The following SF1 variants were observed in gnomAD, a reference collection of about 807,000 sequenced individuals.
SF1 encodes branch point-binding protein.
In SF1, 7 loss-of-function variants were observed where a neutral mutation model predicts 62.5. The ratio of observed to expected loss-of-function variants is 0.11; its 90% CI spans 0.06 to 0.21. The LOEUF is 0.21. Among genes scored for constraint, SF1 ranks in the 10% least tolerant of loss-of-function variants. The pLI is 1.00. For missense variants in SF1, 578 were observed against 884.0 expected (o/e 0.65, Z 4.39); for synonymous variants, 394 against 323.6 (o/e 1.22, Z -2.33).
chr11:64,769,926 A>G lies in SF1; in HGVS notation c.479+38T>C, dbSNP rs772777451. 7 of 1,492,006 alleles carry G rather than the reference A, an allele frequency of 4.7e-6. No homozygotes were observed. In the Admixed American group the frequency reaches 6.8e-5, roughly 14 times the overall value. The allele number at this position is 1,492,006 out of a possible 1,614,324, so 92.4% of individuals were successfully genotyped here. A position where few individuals can be genotyped will look rare whatever the true frequency, so the allele number is the denominator to read the frequency against. ...AAAACGGACACATCTCACAGGCTCT[A>G]AAGGAATTCTATATCCTATAGACCA... On this transcript the variant is annotated intron_variant, in intron 5 of 12. Coordinates refer to ENST00000377390, the MANE Select transcript of SF1 (RefSeq NM_004630.4).
At chr11:64,768,033 C>T (rs570295871) in intron 9 of SF1, 73 bp downstream of exon 9, 43 of 1,518,554 alleles carry the variant, frequency 2.8e-5, no homozygotes, top group South Asian at 5.0e-5. Flanking sequence ...ACCCAAACCA[C>T]GTGGCCATAG....
chr11:64,771,387 G>A, intron 3 of SF1: 1 of 850,484 alleles, frequency 1.2e-6, no homozygotes, highest in Non-Finnish European at 1.4e-6. Context: ...AAATTTAGTA[G>A]CAGCTGCAAG....
intron 1 of SF1, chr11:64,777,611 G>A (rs1204033595): frequency 2.0e-6 from 2 of 985,510 alleles, no homozygotes; most frequent in Non-Finnish European, 2.4e-6. Context: ...CATCAGGTGA[G>A]GCTTTCACGC....
At chr11:64,776,945 C>T (rs1939366894) in intron 1 of SF1, among the ~76,000 whole-genome samples, 1 of 152,164 alleles carries the variant, frequency 6.6e-6, no homozygotes, top group Admixed American at 6.5e-5. Flanking sequence ...CTACATCAAC[C>T]ATGAGTGCTC....
intron 1 of SF1, 150 bp downstream of exon 1, chr11:64,778,212 C>A: frequency 2.7e-6 from 3 of 1,127,834 alleles, no homozygotes; most frequent in Non-Finnish European, 3.3e-6. Context: ...GGGAAGGCCG[C>A]GGTCAGGGCC....
intron 1 of SF1, 76 bp downstream of exon 1, chr11:64,778,286 G>A (rs1358205158): frequency 8.2e-7 from 1 of 1,217,430 alleles, no homozygotes; most frequent in African/African-American, 1.6e-5. Context: ...CCCAGGCCCG[G>A]GTGCAGGCGG....
Position 64,766,969 on chromosome 11 carries a change from G to C in SF1, c.1513C>G (p.Gln505Glu). The change falls in exon 12 of 13, where the codon CAG (glutamine) becomes GAG (glutamate). Residue 505 changes from glutamine to glutamate, a missense_variant. Physicochemically the swap from Gln to Glu is conservative, Grantham distance 29. Around this residue, in one of 7 missense-constraint regions of SF1, gnomAD observed 410 missense variants for 452.4 expected, o/e 0.91. Coordinates refer to ENST00000377390, the MANE Select transcript of SF1 (RefSeq NM_004630.4). ...GGCGGAGGGGGTGGCGGAGGCTGCT[G>C]CTGCTGTTGTTGCCATGGGGGAAGA... ...GPLPPWQQQQ[Q>E]QPPPPPPPSS... 1.3e-6 allele frequency: 2 copies of C among 1,509,016 alleles called. No homozygotes were observed. The highest frequency in any genetic ancestry group is 1.8e-6 in the Non-Finnish European group (2 of 1,129,764). The allele number at this position is 1,509,016 out of a possible 1,614,324, so 93.5% of individuals were successfully genotyped here.
chr11:64,778,150 C>G (rs1018096721), intron 1 of SF1: 1 of 815,542 alleles, frequency 1.2e-6, no homozygotes, highest in Non-Finnish European at 1.5e-6. Flanking sequence ...GCGGCGGCTG[C>G]TGGGGAGGCG....
intron 4 of SF1, 45 bp downstream of exon 4, chr11:64,770,211 A>G: frequency 1.2e-6 from 2 of 1,603,098 alleles, no homozygotes; most frequent in Non-Finnish European, 1.7e-6. Flanking sequence ...GTCACCCATG[A>G]TCTGCATGTG....
rs754963575 is a variant in SF1 at position 64,766,092 on chromosome 11, G to A, written c.1646C>T (p.Ala549Val). 3.4e-5 allele frequency: 55 copies of A among 1,610,990 alleles called. No homozygotes were observed. The highest frequency in any genetic ancestry group is 1.3e-4 in the South Asian group (12 of 91,056). Reference protein sequence around the residue: ...GSIPPWQQQQAAAAASPGAPQ... With the variant: ...GSIPPWQQQQVAAAASPGAPQ... Reference sequence around the variant, plus strand: ...GGCTCCTGGAGAAGCTGCGGCAGCCGCCTGCTGCTGTTGCCATGGCGGGAT... The same window carrying A: ...GGCTCCTGGAGAAGCTGCGGCAGCCACCTGCTGCTGTTGCCATGGCGGGAT... The change falls in exon 13 of 13, where the codon GCG becomes GTG. Residue 549 changes from alanine (A) to valine (V), a missense_variant. Physicochemically the swap from Ala to Val is moderately conservative, Grantham distance 64. Transcript: ENST00000377390.
At position 64,765,942 on chromosome 11, in the gene SF1, G is replaced by A. The variant is rs752965890; in HGVS notation, c.1796C>T (p.Pro599Leu). 6 of 1,575,268 alleles carry A rather than the reference G, an allele frequency of 3.8e-6. No individual in the cohort carries two copies. Among genetic ancestry groups the A allele is most frequent in the Middle Eastern group, 1.9e-4 (1 of 5,400 alleles). Reference sequence around the variant, plus strand: ...CATGGGAGGCGGAGGAGGAGGGGGCGGGGCATACATCATGCCGGCGGAACC... The same window carrying A: ...CATGGGAGGCGGAGGAGGAGGGGGCAGGGCATACATCATGCCGGCGGAACC... ...PPGSAGMMYA[P>L]PPPPPPPMDP... is the part of the protein sequence containing the mutation. The change falls in exon 13 of 13, where the codon CCG (proline) becomes CTG (leucine). Residue 599 changes from proline (P) to leucine (L), a missense_variant. Transcript: ENST00000377390.
At chr11:64,777,780 G>GGGCCCCCCCC in intron 1 of SF1, 1 of 445,410 alleles carries the variant, frequency 2.2e-6, no homozygotes, top group Non-Finnish European at 2.8e-6. Flanking sequence ...AGCGCCTCCC[G>GGGCCCCCCCC]CCCGCCCAGC....
In SF1 at chr11:64,769,391, T is replaced by C. The variant is rs774974011; in HGVS notation, c.663+35A>G. 3.1e-6 allele frequency: 5 copies of C among 1,613,632 alleles called. No individual in the cohort carries two copies. The African/African-American group carries it at 5.3e-5, about 17-fold the overall frequency. ...TGCTTAGGGCCTCCACCTAGGTTTCTGCTAGGAGGCTTCCTTTCTGGGCTC... is the reference window on the plus strand; with the variant it reads ...TGCTTAGGGCCTCCACCTAGGTTTCCGCTAGGAGGCTTCCTTTCTGGGCTC... On this transcript the variant is annotated intron_variant, in intron 6 of 12. Coordinates refer to ENST00000377390, the MANE Select transcript of SF1 (RefSeq NM_004630.4).
chr11:64,772,767 T>A (rs1938538553), intron 3 of SF1: 3 of 985,028 alleles, frequency 3.0e-6, no homozygotes, highest in Non-Finnish European at 3.6e-6. Context: ...TGAAATGACA[T>A]GACCACAGCT....
At chr11:64,771,523 C>G in intron 3 of SF1, 1 of 985,356 alleles carries the variant, frequency 1.0e-6, no homozygotes, top group Non-Finnish European at 1.2e-6. Context: ...CTCGGCTGCT[C>G]CCACTGTCTT....
At chr11:64,769,749 T>C (rs1452416409) in intron 5 of SF1, 140 bp from the exon 6 acceptor site, 10 of 814,384 alleles carry the variant, frequency 1.2e-5, no homozygotes, top group South Asian at 1.0e-4. Context: ...ATGAACTCTA[T>C]ATTATGGTCA....
Position 64,769,002 on chromosome 11 carries a change from C to G in SF1, c.887+20G>C. 2.6e-6 allele frequency: 4 copies of G among 1,568,220 alleles called. No homozygotes were observed. The highest frequency in any genetic ancestry group is 3.5e-6 in the Non-Finnish European group (4 of 1,138,214). On this transcript the variant is annotated intron_variant, in intron 8 of 12. Transcript: ENST00000377390. ...TGCACATCGCAGGCTACCAGGAAACCGCAAGAGCCAGCCCCTCACCTTTGG... is the reference window on the plus strand; with the variant it reads ...TGCACATCGCAGGCTACCAGGAAACGGCAAGAGCCAGCCCCTCACCTTTGG...
chr11:64,770,443 C>T (rs1441972329), intron 3 of SF1, 35 bp from the exon 4 acceptor site: 1 of 1,599,526 alleles, frequency 6.3e-7, no homozygotes, highest in African/African-American at 1.3e-5. Context: ...CTATTCTGCA[C>T]CGACTTCTCT....
At chr11:64,773,543 G>GA (rs772729071) in intron 2 of SF1, 38 bp from the exon 3 acceptor site, 1 of 1,587,770 alleles carries the variant, frequency 6.3e-7, no homozygotes, top group Non-Finnish European at 8.5e-7. Context: ...AAAAAGGATG[G>GA]AAAAAAGACA....
Sources: gnomAD v4.1 joint callset for allele counts (sites outside exome capture counted in the v4.1 genomes callset) on GRCh38, gnomAD v4.1.1 for gene constraint, gnomAD v4.1.1 regional missense constraint, MANE v1.5 for transcripts, NCBI Gene and HGNC (gene_info 2026-07-23, HGNC 2026-07-21) for gene names.